The following CCDC171 variants were observed in gnomAD, a reference collection of about 807,000 sequenced individuals.
CCDC171 encodes the protein coiled-coil domain containing 171.
Under a neutral mutation model 168.2 loss-of-function variants are expected in CCDC171, and 177 were observed. That is an observed-to-expected ratio of 1.05 (90% CI 0.93 to 1.19). The LOEUF (loss-of-function observed/expected upper bound fraction) is 1.19, where lower values mean the gene tolerates loss of function less well. CCDC171 is among the 50% of genes most tolerant of loss of function. The pLI, the probability that CCDC171 is intolerant of heterozygous loss-of-function variation, is 0.00. For missense variants in CCDC171, 1,991 were observed against 1,539.0 expected, an observed-to-expected ratio of 1.29 and a Z score of -4.91; for synonymous variants, 687 against 540.8, an observed-to-expected ratio of 1.27 and a Z score of -3.75.
intron 1 of CCDC171, among the ~76,000 whole-genome samples, chr9:15,554,489 G>T (rs2038620821): frequency 6.6e-6 from 1 of 152,134 alleles, no homozygotes; most frequent in Admixed American, 6.6e-5. Context: ...TTAGTCTTGG[G>T]GCTCAGCCAT....
At chr9:15,613,623 A>C (rs1418984419) in intron 6 of CCDC171, among the ~76,000 whole-genome samples, 1 of 151,586 alleles carries the variant, frequency 6.6e-6, no homozygotes, top group Non-Finnish European at 1.5e-5. Flanking sequence ...TCTGGGTTCA[A>C]GCGGTTCTCC....
chr9:15,904,512 C>G (rs1389990449), intron 24 of CCDC171, among the ~76,000 whole-genome samples: 2 of 151,712 alleles, frequency 1.3e-5, no homozygotes, highest in African/African-American at 2.4e-5. Flanking sequence ...TAAAAGAGCT[C>G]CTGAAGGAAG....
At chr9:16,027,938 A>G (rs974399453) in intron 6 of CCDC171, among the ~76,000 whole-genome samples, 49 of 152,270 alleles carry the variant, frequency 3.2e-4, no homozygotes, top group African/African-American at 1.1e-3. Flanking sequence ...ATCTTCCCAT[A>G]TTATTTCAGC....
At chr9:15,809,285 C>T (rs1330832143) in intron 21 of CCDC171, among the ~76,000 whole-genome samples, 1 of 152,146 alleles carries the variant, frequency 6.6e-6, no homozygotes, top group African/African-American at 2.4e-5. Context: ...GTGTCTAGAG[C>T]AGCACTGTCC....
intron 21 of CCDC171, among the ~76,000 whole-genome samples, chr9:15,832,591 A>T (rs2060278838): frequency 6.6e-6 from 1 of 152,220 alleles, no homozygotes. Flanking sequence ...TATGGTATAG[A>T]AGATAAAAAT....
chr9:15,677,921 TATATA>T (rs2049741334), intron 9 of CCDC171, among the ~76,000 whole-genome samples: 2 of 36,266 alleles, frequency 5.5e-5, no homozygotes, highest in East Asian at 2.5e-3. Flanking sequence ...TATATATATA[TATATA>T]AGAGATGTGG....
intron 9 of CCDC171, among the ~76,000 whole-genome samples, chr9:15,667,649 A>G (rs1411938305): frequency 2.0e-5 from 3 of 152,188 alleles, no homozygotes; most frequent in Non-Finnish European, 4.4e-5. Flanking sequence ...GCATCTCAAA[A>G]AAAAGAGAAA....
rs376422696 is a variant in CCDC171 at position 15,558,090 on chromosome 9, A to G, written c.-112+4788A>G. Among the ~76,000 whole-genome samples the G allele has an allele frequency of 3.9e-5, 6 of 152,246 alleles. No homozygotes were observed. The East Asian group carries it at 7.7e-4, about 20-fold the overall frequency. On this transcript the variant is annotated intron_variant, in intron 1 of 25. Transcript: ENST00000380701. ...GCCTTCCATCCCAGGGATGAAGCCA[A>G]CTTGATCGTGGTGGATAAGCTTTTT... is the stretch of plus-strand genomic sequence containing the variant.
At chr9:16,030,628 G>A (rs897926436) in intron 6 of CCDC171, among the ~76,000 whole-genome samples, 3 of 152,190 alleles carry the variant, frequency 2.0e-5, no homozygotes, top group African/African-American at 7.2e-5. Context: ...CTCACCAGGA[G>A]GTCCCATGCT....
At chr9:15,811,244 A>G (rs911497356) in intron 21 of CCDC171, among the ~76,000 whole-genome samples, 3 of 152,232 alleles carry the variant, frequency 2.0e-5, no homozygotes, top group Admixed American at 1.3e-4. Context: ...CTTGTTGAAT[A>G]GTTATCAAAC....
chr9:15,571,036 C>T (rs993273275), intron 2 of CCDC171, among the ~76,000 whole-genome samples: 1 of 152,124 alleles, frequency 6.6e-6, no homozygotes, highest in Non-Finnish European at 1.5e-5. Context: ...ACTTTTACCT[C>T]CATTTTCAAA....
At chr9:15,909,889 C>G (rs1302146398) in intron 24 of CCDC171, among the ~76,000 whole-genome samples, 1 of 151,962 alleles carries the variant, frequency 6.6e-6, no homozygotes, top group East Asian at 1.9e-4. Flanking sequence ...GCATATATTG[C>G]ATAGTGGTGA....
chr9:15,706,557 C>T (rs749308866), intron 11 of CCDC171, among the ~76,000 whole-genome samples: 2 of 152,032 alleles, frequency 1.3e-5, no homozygotes, highest in South Asian at 2.1e-4. Flanking sequence ...CAAAGTGCTG[C>T]GATTATAGGT....
intron 21 of CCDC171, among the ~76,000 whole-genome samples, chr9:15,790,293 T>C (rs1156243251): frequency 6.6e-6 from 1 of 152,242 alleles, no homozygotes; most frequent in East Asian, 1.9e-4. Flanking sequence ...CCATTCTAAC[T>C]GGTGTGAAAT....
At chr9:15,641,014 A>G (rs1184538768) in intron 7 of CCDC171, among the ~76,000 whole-genome samples, 2 of 152,142 alleles carry the variant, frequency 1.3e-5, no homozygotes, top group Admixed American at 1.3e-4. Flanking sequence ...ACAAAATAAA[A>G]TACACTTATC....
intron 21 of CCDC171, among the ~76,000 whole-genome samples, chr9:15,843,149 A>G (rs2060753682): frequency 6.6e-6 from 1 of 151,910 alleles, no homozygotes; most frequent in Admixed American, 6.6e-5. Flanking sequence ...TTCTTCCTTA[A>G]CAGAGAAAAT....
chr9:15,961,493 C>A (rs1830326468), intron 25 of CCDC171, among the ~76,000 whole-genome samples: 1 of 152,120 alleles, frequency 6.6e-6, no homozygotes. Flanking sequence ...AGTAGAGGAA[C>A]AAATTACTCA....
At chr9:15,712,943 C>T (rs2052785350) in intron 11 of CCDC171, among the ~76,000 whole-genome samples, 1 of 152,136 alleles carries the variant, frequency 6.6e-6, no homozygotes. Context: ...CTTCATTTTG[C>T]CCTCCTGATT....
rs376678429 is a variant in CCDC171 at position 16,005,597 on chromosome 9, A to T, written n.369-14992A>T. On this transcript the variant is annotated intron_variant and non_coding_transcript_variant, in intron 3 of 9. Transcript: ENST00000486641. ...TATTCAAAAAGTTAAAATAAACAAT[A>T]TAACAATAAAAATACAAATTTTAAA... Among the ~76,000 whole-genome samples, 7 of 152,260 alleles carry T rather than the reference A, an allele frequency of 4.6e-5. No homozygotes were observed. The East Asian group carries it at 5.8e-4, about 13-fold the overall frequency.
Sources: allele counts gnomAD v4.1 joint callset (sites outside exome capture counted in the v4.1 genomes callset), GRCh38; gene constraint gnomAD v4.1.1; transcripts MANE v1.5; gene names NCBI Gene and HGNC (gene_info 2026-07-23, HGNC 2026-07-21).